Variants in SLC6A6 observed in about 807,000 individuals in gnomAD.
SLC6A6 encodes solute carrier family 6 member 6.
SLC6A6 carries 16 observed loss-of-function variants against 68.8 expected under a neutral mutation model. The observed-to-expected ratio is 0.23, with a 90% CI of 0.16 to 0.35. The LOEUF (loss-of-function observed/expected upper bound fraction) is 0.35. SLC6A6 is among the 10% of genes least tolerant of loss of function. The pLI is 1.00. For missense variants in SLC6A6, 474 were observed against 802.8 expected, an observed-to-expected ratio of 0.59 and a Z score of 4.95; for synonymous variants, 312 against 315.4, an observed-to-expected ratio of 0.99 and a Z score of 0.12.
At chr3:14,421,949 C>G (rs1419205036) in intron 2 of SLC6A6, among the ~76,000 whole-genome samples, 1 of 152,162 alleles carries the variant, frequency 6.6e-6, no homozygotes, top group African/African-American at 2.4e-5. Context: ...GGTGCATCTT[C>G]TCGTCTCGGC....
chr3:14,461,258 C>T (rs1700487375), intron 6 of SLC6A6, among the ~76,000 whole-genome samples: 1 of 152,218 alleles, frequency 6.6e-6, no homozygotes, highest in South Asian at 2.1e-4. Context: ...GGAGTATGTG[C>T]AGTTATTAGT....
rs763017562 is a variant in SLC6A6 at position 14,418,396 on chromosome 3, A to G, written c.-12+1943A>G. Among the ~76,000 whole-genome samples, 8 of 152,078 alleles carry G rather than the reference A, an allele frequency of 5.3e-5. 1 individual carries two copies. Among genetic ancestry groups the G allele is most frequent in the Non-Finnish European group, 7.4e-5 (5 of 68,018 alleles). On this transcript the variant is annotated intron_variant, in intron 2 of 14. Transcript: ENST00000622186. The stretch of plus-strand genomic sequence containing the variant: ...CAGCTGGACCAAGTCCTTCCTTTTC[A>G]TCAAGCTCAGCTGGCCTAGGTTGCT...
rs1313754423 is a variant in SLC6A6 at position 14,450,095 on chromosome 3, AC to A, written c.599+2283del. Among the ~76,000 whole-genome samples, 1 of 151,794 alleles carries A rather than the reference AC, an allele frequency of 6.6e-6. No individual in the cohort carries two copies. Among genetic ancestry groups the A allele is most frequent in the Non-Finnish European group, 1.5e-5 (1 of 67,950 alleles). On this transcript the variant is annotated intron_variant, in intron 5 of 14. Coordinates refer to ENST00000622186, the MANE Select transcript of SLC6A6 (RefSeq NM_003043.6). The surrounding 1 kb of genome is among the most constrained non-coding windows in gnomAD (Gnocchi z 4.1). ...GAGTGCCCTCATAGTGCATAAAACT[AC>A]CCCTCAGGGCAGTTTCTTTGTGTGT...
chr3:14,473,726 C>G (rs1186222350), intron 10 of SLC6A6, among the ~76,000 whole-genome samples: 15 of 152,220 alleles, frequency 9.9e-5, no homozygotes, highest in Non-Finnish European at 1.2e-4. Context: ...GCTGAATAAA[C>G]AAGCAGGAGG....
chr3:14,449,667 T>A (rs4684221), intron 5 of SLC6A6, among the ~76,000 whole-genome samples: 6,044 of 152,336 alleles, frequency 0.04, 138 homozygotes, highest in South Asian at 0.1. Context: ...GAGATGGCAG[T>A]GCTGACATCC....
At chr3:14,455,610 C>T (rs1022732094) in intron 5 of SLC6A6, among the ~76,000 whole-genome samples, 29 of 152,186 alleles carry the variant, frequency 1.9e-4, no homozygotes, top group African/African-American at 6.5e-4. Flanking sequence ...GGGAGGCTTC[C>T]TTTGAGACGG....
At chr3:14,442,849 G>C (rs1700023036) in intron 2 of SLC6A6, among the ~76,000 whole-genome samples, 2 of 152,232 alleles carry the variant, frequency 1.3e-5, no homozygotes, top group African/African-American at 4.8e-5. Flanking sequence ...TCAGCCCCTG[G>C]AATCACAGCA....
chr3:14,404,414 C>T (rs1475562104), intron 1 of SLC6A6, among the ~76,000 whole-genome samples: 3 of 152,092 alleles, frequency 2.0e-5, no homozygotes, highest in African/African-American at 7.2e-5. Flanking sequence ...GCTAAGAACC[C>T]CCAACAGGGT....
At chr3:14,460,738 G>T (rs1208809095) in intron 6 of SLC6A6, among the ~76,000 whole-genome samples, 2 of 152,250 alleles carry the variant, frequency 1.3e-5, no homozygotes, top group South Asian at 2.1e-4. Flanking sequence ...AACCTCCTTC[G>T]TGGGGTGGCT....
intron 9 of SLC6A6, among the ~76,000 whole-genome samples, chr3:14,471,705 T>C (rs899764726): frequency 1.3e-5 from 2 of 152,244 alleles, no homozygotes; most frequent in East Asian, 3.8e-4. Flanking sequence ...AGGCCTCCTG[T>C]TGGGCGTGGT....
intron 1 of SLC6A6, among the ~76,000 whole-genome samples, chr3:14,406,488 A>G (rs188540363): frequency 3.3e-5 from 5 of 152,268 alleles, no homozygotes; most frequent in African/African-American, 4.8e-5. Flanking sequence ...GCCACTAAGC[A>G]TTTTCTGTAC....
chr3:14,415,243 C>T (rs1357204936), intron 1 of SLC6A6, among the ~76,000 whole-genome samples: 1 of 152,244 alleles, frequency 6.6e-6, no homozygotes, highest in African/African-American at 2.4e-5. Flanking sequence ...TCCTACTCCA[C>T]AGTGCCTTGT....
chr3:14,473,310 C>T (rs898610082), intron 10 of SLC6A6, among the ~76,000 whole-genome samples: 2 of 152,124 alleles, frequency 1.3e-5, no homozygotes, highest in African/African-American at 4.8e-5. Flanking sequence ...CCAGCATGAG[C>T]CCCTCAGGCA....
intron 5 of SLC6A6, among the ~76,000 whole-genome samples, chr3:14,455,401 C>G (rs1700344517): frequency 6.6e-6 from 1 of 152,210 alleles, no homozygotes; most frequent in African/African-American, 2.4e-5. Flanking sequence ...AATCAGGGCT[C>G]TGGAGTATTA....
chr3:14,482,330 C>T (rs1181970668), intron 14 of SLC6A6, among the ~76,000 whole-genome samples: 1 of 152,240 alleles, frequency 6.6e-6, no homozygotes, highest in Admixed American at 6.5e-5. Flanking sequence ...CCAGCCCATG[C>T]TGGGGTCTTC....
At position 14,477,439 on chromosome 3, in the gene SLC6A6, G is replaced by A; in HGVS notation, c.1347+97G>A. The A allele has an allele frequency of 8.0e-7, 1 of 1,256,672 alleles. No homozygotes were observed. Among genetic ancestry groups the A allele is most frequent in the Non-Finnish European group, 1.1e-6 (1 of 877,970 alleles). The allele number at this position is 1,256,672 out of a possible 1,614,324, so 77.8% of individuals were successfully genotyped here. A position where few individuals can be genotyped will look rare whatever the true frequency, so the allele number is the denominator to read the frequency against. On this transcript the variant is annotated intron_variant, in intron 11 of 14. Transcript: ENST00000622186. The surrounding 1 kb of genome is among the most constrained non-coding windows in gnomAD (Gnocchi z 4.2). Reference sequence around the variant, plus strand: ...CAGCTGGGTGAGAGGGCCAGGTAGGGGCTTCATCTCCCAGCCCCACCCAAT... The same window carrying A: ...CAGCTGGGTGAGAGGGCCAGGTAGGAGCTTCATCTCCCAGCCCCACCCAAT...
Position 14,477,714 on chromosome 3 carries a change from A to G in SLC6A6, c.1347+372A>G, listed in dbSNP as rs1700911220. 6.6e-6 allele frequency among the ~76,000 whole-genome samples: 1 copy of G among 152,198 alleles called. No homozygotes were observed. On this transcript the variant is annotated intron_variant, in intron 11 of 14. Coordinates refer to ENST00000622186, the MANE Select transcript of SLC6A6 (RefSeq NM_003043.6). This position sits in a 1 kb window ranked among gnomAD's most constrained non-coding sequence, Gnocchi z 4.2. ...TCTCAAGGGTAAACGCAGGCCTCCC[A>G]GGAAATACCACAGCACCACGTAGAG...
At chr3:14,416,228 G>T (rs1699360409) in intron 1 of SLC6A6, among the ~76,000 whole-genome samples, 184 bp from the exon 2 acceptor site, 1 of 152,192 alleles carries the variant, frequency 6.6e-6, no homozygotes, top group African/African-American at 2.4e-5. Context: ...ATGTGAGCTT[G>T]TGTTGGCATG....
intron 2 of SLC6A6, among the ~76,000 whole-genome samples, chr3:14,420,109 G>T (rs1291112269): frequency 6.6e-6 from 1 of 152,168 alleles, no homozygotes; most frequent in Non-Finnish European, 1.5e-5. Context: ...GTAATAAAAT[G>T]ATATTTATTA....
Sources: allele counts gnomAD v4.1 joint callset (sites outside exome capture counted in the v4.1 genomes callset), GRCh38; gene constraint gnomAD v4.1.1; non-coding constraint Gnocchi (gnomAD v3.1); transcripts MANE v1.5; gene names NCBI Gene and HGNC (gene_info 2026-07-23, HGNC 2026-07-21).